The following SOX6 variants were observed in gnomAD, a reference collection of about 807,000 sequenced individuals.
SOX6 encodes transcription factor SOX-6.
A neutral mutation model predicts 97.8 loss-of-function variants in SOX6; 11 were observed. That is an observed-to-expected ratio of 0.11 (90% CI 0.07 to 0.19). The LOEUF is 0.19. Among genes scored for constraint, SOX6 ranks in the 10% least tolerant of loss-of-function variants. SOX6 has a pLI of 1.00. For missense variants in SOX6, 810 were observed against 1,039.5 expected (o/e 0.78, Z 3.04); for synonymous variants, 360 against 371.4 (o/e 0.97, Z 0.35).
intron 6 of SOX6, among the ~76,000 whole-genome samples, chr11:16,154,342 C>T (rs1850541797): frequency 6.6e-6 from 1 of 152,036 alleles, no homozygotes; most frequent in Non-Finnish European, 1.5e-5. Flanking sequence ...ATAATAACCC[C>T]CCTAATTAAC....
chr11:16,275,251 C>T (rs927569986), intron 3 of SOX6, among the ~76,000 whole-genome samples: 1 of 145,842 alleles, frequency 6.9e-6, no homozygotes, highest in Non-Finnish European at 1.5e-5. Context: ...ACCATCCTGG[C>T]TAACATGGTG....
At chr11:16,139,466 T>A (rs950303929) in intron 6 of SOX6, among the ~76,000 whole-genome samples, 47 of 152,200 alleles carry the variant, frequency 3.1e-4, no homozygotes, top group Admixed American at 9.8e-4. Flanking sequence ...TGAATCCATG[T>A]TCTATTCAAT....
At chr11:16,166,188 C>A (rs1408761714) in intron 6 of SOX6, among the ~76,000 whole-genome samples, 1 of 152,020 alleles carries the variant, frequency 6.6e-6, no homozygotes, top group Non-Finnish European at 1.5e-5. Flanking sequence ...CAACTATGGA[C>A]TGTTTATTTC....
chr11:16,654,681 T>G (rs1847699369), intron 3 of SOX6, among the ~76,000 whole-genome samples: 1 of 152,246 alleles, frequency 6.6e-6, no homozygotes, highest in South Asian at 2.1e-4. Context: ...TTAAGAAATT[T>G]TAGGCTAATA....
intron 3 of SOX6, among the ~76,000 whole-genome samples, chr11:16,235,819 G>T (rs1447076479): frequency 2.0e-5 from 3 of 152,034 alleles, no homozygotes; most frequent in Non-Finnish European, 4.4e-5. Flanking sequence ...AGCTAGATAA[G>T]CTTCAGAAAA....
At chr11:16,160,496 T>G (rs1419379220) in intron 6 of SOX6, among the ~76,000 whole-genome samples, 1 of 152,170 alleles carries the variant, frequency 6.6e-6, no homozygotes, top group Non-Finnish European at 1.5e-5. Flanking sequence ...ATGACTTATC[T>G]TAAATACCAG....
chr11:16,713,581 A>G (rs1382274798), intron 3 of SOX6, among the ~76,000 whole-genome samples: 1 of 152,242 alleles, frequency 6.6e-6, no homozygotes, highest in African/African-American at 2.4e-5. Context: ...TCTAAAATTC[A>G]TATGAGTATA....
chr11:16,114,545 A>C (rs1003639716), intron 6 of SOX6, among the ~76,000 whole-genome samples: 5 of 152,166 alleles, frequency 3.3e-5, no homozygotes, highest in African/African-American at 9.6e-5. Context: ...GAAATTATCA[A>C]ATTACTGATA....
chr11:16,530,039 A>T (rs1861217938), intron 4 of SOX6, among the ~76,000 whole-genome samples: 1 of 152,010 alleles, frequency 6.6e-6, no homozygotes, highest in South Asian at 2.1e-4. Flanking sequence ...AAAATTTGTG[A>T]TTGTATAAAC....
intron 4 of SOX6, among the ~76,000 whole-genome samples, chr11:16,580,894 A>C (rs942780694): frequency 6.6e-6 from 1 of 152,196 alleles, no homozygotes; most frequent in Non-Finnish European, 1.5e-5. Context: ...AACCACAATG[A>C]GATACCATCT....
intron 1 of SOX6, among the ~76,000 whole-genome samples, chr11:16,426,917 A>AG (rs1235755373): frequency 6.7e-6 from 1 of 149,200 alleles, no homozygotes; most frequent in Non-Finnish European, 1.5e-5. Flanking sequence ...CCGTCTCAAA[A>AG]AAAAAAAAAA....
chr11:16,026,579 G>A (rs79890578), intron 12 of SOX6, among the ~76,000 whole-genome samples: 1,665 of 152,232 alleles, frequency 0.011, 29 homozygotes, highest in African/African-American at 0.039. Flanking sequence ...TAACATAAAT[G>A]CAAAGACTGC....
At chr11:16,693,608 T>C (rs1371999499) in intron 3 of SOX6, among the ~76,000 whole-genome samples, 1 of 152,180 alleles carries the variant, frequency 6.6e-6, no homozygotes, top group African/African-American at 2.4e-5. Flanking sequence ...TATATTTAAA[T>C]AGTTCCCTAA....
chr11:16,295,750 A>C (rs954730533), intron 3 of SOX6, among the ~76,000 whole-genome samples: 1 of 152,154 alleles, frequency 6.6e-6, no homozygotes, highest in Non-Finnish European at 1.5e-5. Flanking sequence ...TGCTATTTTC[A>C]GAGCAGACTC....
intron 6 of SOX6, among the ~76,000 whole-genome samples, chr11:16,117,078 G>C (rs538437492): frequency 6.6e-6 from 1 of 152,218 alleles, no homozygotes; most frequent in African/African-American, 2.4e-5. Flanking sequence ...AGCTGGGCGT[G>C]GTGGCTCATG....
intron 2 of SOX6, among the ~76,000 whole-genome samples, chr11:16,330,535 C>T (rs1310232229): frequency 2.0e-5 from 3 of 152,082 alleles, no homozygotes; most frequent in Admixed American, 6.6e-5. Flanking sequence ...CCAGCCTGGG[C>T]GACAGAGCAA....
chr11:16,121,014 C>T (rs147192245), intron 6 of SOX6, among the ~76,000 whole-genome samples: 1 of 152,062 alleles, frequency 6.6e-6, no homozygotes, highest in African/African-American at 2.4e-5. Flanking sequence ...AGGGCCAATC[C>T]TTTCCTTTGT....
intron 3 of SOX6, among the ~76,000 whole-genome samples, chr11:16,662,817 C>T (rs894539554): frequency 2.0e-5 from 3 of 152,170 alleles, no homozygotes; most frequent in Admixed American, 6.5e-5. Context: ...CCTCAGCCTC[C>T]TGAGTAGATC....
At chr11:16,181,990 T>C (rs1851359389) in intron 6 of SOX6, among the ~76,000 whole-genome samples, 1 of 151,828 alleles carries the variant, frequency 6.6e-6, no homozygotes, top group South Asian at 2.1e-4. Flanking sequence ...TACTCCTATC[T>C]TTTCAAATTG....
Sources: allele counts gnomAD v4.1 joint callset (sites outside exome capture counted in the v4.1 genomes callset), GRCh38; gene constraint gnomAD v4.1.1; transcripts MANE v1.5; gene names NCBI Gene and HGNC (gene_info 2026-07-23, HGNC 2026-07-21).